NFIB: variants seen among roughly 807,000 people sequenced by gnomAD.
NFIB encodes nuclear factor 1 B-type.
Under a neutral mutation model 61.5 loss-of-function variants are expected in NFIB, and 11 were observed. The observed-to-expected ratio is 0.18, with a 90% CI of 0.11 to 0.30. The LOEUF (loss-of-function observed/expected upper bound fraction) is 0.30. Ranked by LOEUF, NFIB falls within the 10% of genes least tolerant of loss-of-function variation. The pLI, the probability that NFIB is intolerant of heterozygous loss-of-function variation, is 1.00. For missense variants in NFIB, 471 were observed against 608.9 expected (o/e 0.77, Z 2.38); for synonymous variants, 260 against 216.5 (o/e 1.20, Z -1.76).
intron 1 of NFIB, among the ~76,000 whole-genome samples, chr9:14,311,543 C>T (rs1488055652): frequency 1.4e-5 from 2 of 138,890 alleles, no homozygotes; most frequent in African/African-American, 4.9e-5. Context: ...TTAGTCATCA[C>T]AAGTTATTGT....
chr9:14,215,004 C>A (rs969862708), intron 2 of NFIB, among the ~76,000 whole-genome samples: 4 of 152,276 alleles, frequency 2.6e-5, no homozygotes, highest in Middle Eastern at 3.4e-3. Context: ...AAAGGAGAAA[C>A]AAGGAGAAGG....
intron 2 of NFIB, among the ~76,000 whole-genome samples, chr9:14,287,247 C>T (rs1002411645): frequency 2.0e-5 from 3 of 150,352 alleles, no homozygotes; most frequent in East Asian, 2.0e-4. Context: ...CTGGCTAACA[C>T]GGTGAAACCC....
chr9:14,430,326 C>T, the NFIB span, among the ~76,000 whole-genome samples: 1 of 151,666 alleles, frequency 6.6e-6, no homozygotes, highest in African/African-American at 2.4e-5. Context: ...CGAATTAAGA[C>T]TTCTTCTTGC....
At chr9:14,338,504 G>A (rs7036373) in intron 1 of NFIB, among the ~76,000 whole-genome samples, 136,529 of 152,248 alleles carry the variant, frequency 0.9, 63,018 homozygotes, top group Non-Finnish European at 1. Context: ...TCTATCAGCT[G>A]TGTGTTCATA....
intron 2 of NFIB, among the ~76,000 whole-genome samples, chr9:14,296,076 C>T (rs191792839): frequency 8.5e-5 from 13 of 152,294 alleles, no homozygotes; most frequent in Admixed American, 5.2e-4. Flanking sequence ...AGCAGGACTT[C>T]GATTTCCTCT....
At chr9:14,480,117 T>C in the NFIB span, among the ~76,000 whole-genome samples, 1 of 151,834 alleles carries the variant, frequency 6.6e-6, no homozygotes, top group Non-Finnish European at 1.5e-5. Flanking sequence ...TTGGAGCATA[T>C]TTTATAAGTC....
chr9:14,274,344 C>T (rs2057851896), intron 2 of NFIB, among the ~76,000 whole-genome samples: 1 of 151,290 alleles, frequency 6.6e-6, no homozygotes, highest in South Asian at 2.1e-4. Flanking sequence ...TTCAGAATTT[C>T]TCAGGGGCTT....
At chr9:14,255,836 G>A (rs1380411258) in intron 2 of NFIB, among the ~76,000 whole-genome samples, 2 of 152,170 alleles carry the variant, frequency 1.3e-5, no homozygotes, top group African/African-American at 4.8e-5. Context: ...TAGCCTGAAT[G>A]CCTTTGGAAA....
At chr9:14,172,872 C>G (rs10481501) in intron 3 of NFIB, among the ~76,000 whole-genome samples, 1 of 152,010 alleles carries the variant, frequency 6.6e-6, no homozygotes, top group Non-Finnish European at 1.5e-5. Context: ...CAGGTTCAAG[C>G]GATTCTCCTG....
chr9:14,419,502 T>C, the NFIB span, among the ~76,000 whole-genome samples: 5 of 152,162 alleles, frequency 3.3e-5, no homozygotes, highest in East Asian at 1.9e-4. Flanking sequence ...TCTAGTTGAA[T>C]GCTCTGCTGT....
chr9:14,118,336 T>G (rs1024965337), intron 8 of NFIB, among the ~76,000 whole-genome samples: 10 of 152,116 alleles, frequency 6.6e-5, no homozygotes, highest in African/African-American at 2.2e-4. Flanking sequence ...GAACAAAATG[T>G]CTGGAGCAGA....
intron 6 of NFIB, among the ~76,000 whole-genome samples, chr9:14,133,257 G>A (rs942475183): frequency 6.6e-6 from 1 of 151,984 alleles, no homozygotes; most frequent in African/African-American, 2.4e-5. Flanking sequence ...ATTCATTGCT[G>A]GGTGAAGGCA....
At chr9:14,435,258 G>A in the NFIB span, among the ~76,000 whole-genome samples, 1 of 152,206 alleles carries the variant, frequency 6.6e-6, no homozygotes, top group Non-Finnish European at 1.5e-5. Context: ...CTCGACAAAA[G>A]AGGACATAAT....
chr9:14,302,891 C>T (rs913573416), intron 2 of NFIB, among the ~76,000 whole-genome samples: 1 of 152,156 alleles, frequency 6.6e-6, no homozygotes, highest in African/African-American at 2.4e-5. Flanking sequence ...AACGAGATAA[C>T]GGTGGTTAAC....
intron 2 of NFIB, among the ~76,000 whole-genome samples, chr9:14,195,849 T>C (rs114474836): frequency 0.02 from 2,997 of 151,986 alleles, 93 homozygotes; most frequent in African/African-American, 0.066. Flanking sequence ...AGTAAGGGCA[T>C]TGGGAGGAAA....
the NFIB span, among the ~76,000 whole-genome samples, chr9:14,409,910 C>T: frequency 6.6e-6 from 1 of 152,084 alleles, no homozygotes; most frequent in African/African-American, 2.4e-5. Context: ...GATGTTAAAA[C>T]CTGTTGCTAA....
intron 8 of NFIB, among the ~76,000 whole-genome samples, chr9:14,118,279 G>A (rs147720502): frequency 6.6e-6 from 1 of 152,194 alleles, no homozygotes; most frequent in Non-Finnish European, 1.5e-5. Context: ...TGGTAAAAAT[G>A]TTTCTACATA....
intron 10 of NFIB, among the ~76,000 whole-genome samples, chr9:14,095,541 G>C (rs2034640426): frequency 6.6e-6 from 1 of 151,898 alleles, no homozygotes; most frequent in African/African-American, 2.4e-5. Flanking sequence ...CCTCTTATTT[G>C]CATATGTGAT....
chr9:14,187,058 TGTGTGTGTG>T, intron 2 of NFIB, among the ~76,000 whole-genome samples: 1 of 143,634 alleles, frequency 7.0e-6, no homozygotes, highest in Admixed American at 7.0e-5. Flanking sequence ...TGTGTGTGTG[TGTGTGTGTG>T]TGTGTGCCTG....
Sources: allele counts gnomAD v4.1 joint callset (sites outside exome capture counted in the v4.1 genomes callset), GRCh38; gene constraint gnomAD v4.1.1; transcripts MANE v1.5; gene names NCBI Gene and HGNC (gene_info 2026-07-23, HGNC 2026-07-21).